Variants in ROPN1 observed in about 807,000 individuals in gnomAD.
ROPN1 encodes ropporin-1A.
In ROPN1, 14 loss-of-function variants were observed where a neutral mutation model predicts 20.5. The observed-to-expected ratio is 0.68, with a 90% CI of 0.45 to 1.07. The LOEUF is 1.07. Ranked by LOEUF, ROPN1 falls within the 50% of genes least tolerant of loss-of-function variation. The pLI, the probability that ROPN1 is intolerant of heterozygous loss-of-function variation, is 0.00. For missense variants in ROPN1, 169 were observed against 242.8 expected, an observed-to-expected ratio of 0.70 and a Z score of 2.02; for synonymous variants, 76 against 95.7, an observed-to-expected ratio of 0.79 and a Z score of 1.20.
chr3:123,986,090 A>G (rs141017207), intron 1 of ROPN1, among the ~76,000 whole-genome samples: 302 of 150,508 alleles, frequency 2.0e-3, no homozygotes, highest in African/African-American at 6.9e-3. Context: ...GTAATTACTA[A>G]ATTAAATAAT....
At chr3:123,984,703 C>G (rs1487491892) in intron 1 of ROPN1, among the ~76,000 whole-genome samples, 3 of 152,154 alleles carry the variant, frequency 2.0e-5, no homozygotes. Flanking sequence ...TTCCGCTACT[C>G]TTTACCAACA....
At position 123,969,048 on chromosome 3, in the gene ROPN1, G is replaced by A; in HGVS notation, c.*107C>T. 1.2e-6 allele frequency: 1 copy of A among 853,824 alleles called. No homozygotes were observed. The highest frequency in any genetic ancestry group is 2.0e-6 in the Non-Finnish European group (1 of 497,670). The allele number at this position is 853,824 out of a possible 1,614,324, so 52.9% of individuals were successfully genotyped here. ...CTCATATGTTTAATTGTTTATTAGTGTGTACCAGTTGTACAAGAAAATTGA... is the reference window on the plus strand; with the variant it reads ...CTCATATGTTTAATTGTTTATTAGTATGTACCAGTTGTACAAGAAAATTGA... On this transcript the variant is annotated 3_prime_UTR_variant, in exon 6 of 6. Transcript: ENST00000405845.
At chr3:123,986,231 T>C (rs1016692967) in intron 1 of ROPN1, among the ~76,000 whole-genome samples, 6 of 151,256 alleles carry the variant, frequency 4.0e-5, no homozygotes, top group African/African-American at 1.5e-4. Context: ...AAAAGGCCTA[T>C]AGTCTCCTTA....
chr3:123,970,646 A>G (rs2037897873), intron 4 of ROPN1, among the ~76,000 whole-genome samples: 1 of 152,220 alleles, frequency 6.6e-6, no homozygotes, highest in Non-Finnish European at 1.5e-5. Context: ...TGTGGCAATG[A>G]CACAGTAGAG....
chr3:123,976,550 AAGG>A (rs2038027393), intron 3 of ROPN1, among the ~76,000 whole-genome samples: 1 of 152,138 alleles, frequency 6.6e-6, no homozygotes, highest in Non-Finnish European at 1.5e-5. Context: ...CTTGATCAGT[AAGG>A]AGACACTGTC....
intron 1 of ROPN1, among the ~76,000 whole-genome samples, chr3:123,990,461 C>A (rs1387200419): frequency 6.6e-6 from 1 of 152,148 alleles, no homozygotes; most frequent in Non-Finnish European, 1.5e-5. Context: ...AAATTATCCC[C>A]CCATGTTCCC....
intron 1 of ROPN1, chr3:123,991,407 C>T (rs1170145017): frequency 7.6e-5 from 5 of 65,736 alleles, no homozygotes; most frequent in East Asian, 7.6e-4. Flanking sequence ...TAAAATAATG[C>T]GTGATAGGAG....
At position 123,980,393 on chromosome 3, in the gene ROPN1, G is replaced by A. The variant is rs2038114365; in HGVS notation, c.89C>T (p.Pro30Leu). Residue 30 changes from proline to leucine, a missense_variant, in exon 2 of 6, where the codon CCG becomes CTG. Around this residue, in one of 3 missense-constraint regions of ROPN1, gnomAD observed 84 missense variants for 99.3 expected, o/e 0.85. Transcript: ENST00000405845. ...GGCTGCCCACTGGATGAGGTCCTGC[G>A]GCTGCACCCTAATGGCGGCTTTGGC... Reference protein sequence around the residue: ...EFAKAAIRVQPQDLIQWAADY... With the variant: ...EFAKAAIRVQLQDLIQWAADY... The A allele has an allele frequency of 4.3e-6, 7 of 1,614,172 alleles. No homozygotes were observed. The highest frequency in any genetic ancestry group is 5.1e-6 in the Non-Finnish European group (6 of 1,180,024).
chr3:123,984,585 C>A (rs2038212049), intron 1 of ROPN1, among the ~76,000 whole-genome samples: 1 of 152,184 alleles, frequency 6.6e-6, no homozygotes, highest in Admixed American at 6.5e-5. Flanking sequence ...CCAGATCTAT[C>A]TTCCAAGTTG....
Position 123,988,456 on chromosome 3 carries a change from G to A in ROPN1, c.-13+3466C>T, listed in dbSNP as rs145611493. 4.9e-4 allele frequency among the ~76,000 whole-genome samples: 75 copies of A among 152,240 alleles called. No individual in the cohort carries two copies. In the East Asian group the frequency reaches 0.014, roughly 27 times the overall value. ...TCAGAGATTTAAAACCTACAAGCAAGGGCTCTGAGGGGGTGAATGCACTAT... is the reference window on the plus strand; with the variant it reads ...TCAGAGATTTAAAACCTACAAGCAAAGGCTCTGAGGGGGTGAATGCACTAT... On this transcript the variant is annotated intron_variant, in intron 1 of 5. Coordinates refer to ENST00000405845, the MANE Select transcript of ROPN1 (RefSeq NM_001317774.2).
intron 1 of ROPN1, among the ~76,000 whole-genome samples, chr3:123,985,753 G>A (rs1055008662): frequency 1.3e-5 from 2 of 151,890 alleles, no homozygotes; most frequent in African/African-American, 2.4e-5. Context: ...AGTGGTTCAC[G>A]CCAGTAAACC....
In ROPN1 at chr3:123,969,415, G is replaced by A. The variant is rs147844785; in HGVS notation, c.573-194C>T. 5.5e-3 allele frequency among the ~76,000 whole-genome samples: 836 copies of A among 152,184 alleles called. 5 individuals carry two copies. The highest frequency in any genetic ancestry group is 0.019 in the African/African-American group (804 of 41,520). ...GTAACTGGTGCAATCTTGGCTCACT[G>A]CAACCTCTGCCTCCTGGGCTCAAGC... On this transcript the variant is annotated intron_variant, in intron 5 of 5. Coordinates refer to ENST00000405845, the MANE Select transcript of ROPN1 (RefSeq NM_001317774.2).
intron 1 of ROPN1, among the ~76,000 whole-genome samples, chr3:123,990,172 C>T (rs2038371074): frequency 6.6e-6 from 1 of 152,252 alleles, no homozygotes; most frequent in Admixed American, 6.5e-5. Flanking sequence ...CTTTTGACAA[C>T]TCCCAGGAGC....
chr3:123,978,775 T>A (rs1250098757), intron 2 of ROPN1: 1 of 152,642 alleles, frequency 6.6e-6, no homozygotes, highest in Admixed American at 6.6e-5. Context: ...CATGTCTGGA[T>A]AGAATGGAGG....
intron 1 of ROPN1, among the ~76,000 whole-genome samples, chr3:123,987,655 A>G (rs2038294619): frequency 6.6e-6 from 1 of 152,226 alleles, no homozygotes; most frequent in African/African-American, 2.4e-5. Context: ...AGAAGCCTGG[A>G]TCTTTTTCTA....
intron 2 of ROPN1, among the ~76,000 whole-genome samples, chr3:123,977,972 T>C (rs1559823509): frequency 6.6e-6 from 1 of 152,238 alleles, no homozygotes; most frequent in Non-Finnish European, 1.5e-5. Flanking sequence ...AGCCTGGTTA[T>C]TGACGATCCA....
chr3:123,985,759 A>G (rs1350956717), intron 1 of ROPN1, among the ~76,000 whole-genome samples: 1 of 152,230 alleles, frequency 6.6e-6, no homozygotes, highest in East Asian at 1.9e-4. Context: ...TCACGCCAGT[A>G]AACCCAACAC....
At chr3:123,977,526 T>A (rs1358401378) in intron 2 of ROPN1, among the ~76,000 whole-genome samples, 1 of 151,800 alleles carries the variant, frequency 6.6e-6, no homozygotes, top group Non-Finnish European at 1.5e-5. Flanking sequence ...GGTGACAGAG[T>A]GAGACCCCCA....
rs968048733 is a variant in ROPN1 at position 123,989,803 on chromosome 3, A to G, written c.-13+2119T>C. On this transcript the variant is annotated intron_variant, in intron 1 of 5. Coordinates refer to ENST00000405845, the MANE Select transcript of ROPN1 (RefSeq NM_001317774.2). ...AGAGAGTAAATTTTGCCTGCCTGGC[A>G]CCTCAGCAATTTCTCTGCTCTCCAG... Among the ~76,000 whole-genome samples the G allele has an allele frequency of 3.3e-5, 5 of 152,116 alleles. No homozygotes were observed. The East Asian group carries it at 7.7e-4, about 23-fold the overall frequency.
Sources: gnomAD v4.1 joint callset for allele counts (sites outside exome capture counted in the v4.1 genomes callset) on GRCh38, gnomAD v4.1.1 for gene constraint, gnomAD v4.1.1 regional missense constraint, MANE v1.5 for transcripts, NCBI Gene and HGNC (gene_info 2026-07-23, HGNC 2026-07-21) for gene names.